DNAH7: variants seen among roughly 807,000 people sequenced by gnomAD.
The protein encoded by DNAH7 is axonemal beta dynein heavy chain 7.
DNAH7 carries 397 observed loss-of-function variants against 444.6 expected under a neutral mutation model. The ratio of observed to expected loss-of-function variants is 0.89; its 90% CI spans 0.82 to 0.97. The LOEUF (loss-of-function observed/expected upper bound fraction) is 0.97, where lower values mean the gene tolerates loss of function less well. DNAH7 is among the 50% of genes least tolerant of loss of function. The pLI, the probability that DNAH7 is intolerant of heterozygous loss-of-function variation, is 0.00. For synonymous variants in DNAH7, 1,636 were observed against 1,624.4 expected (o/e 1.01, Z -0.17); for missense variants, 4,902 against 4,800.8 (o/e 1.02, Z -0.62).
At chr2:195,756,589 C>G (rs1694083439) in intron 61 of DNAH7, among the ~76,000 whole-genome samples, 1 of 152,096 alleles carries the variant, frequency 6.6e-6, no homozygotes, top group Non-Finnish European at 1.5e-5. Flanking sequence ...TCATGGCTCA[C>G]TGCAACCTCG....
At chr2:195,768,679 A>G (rs925146478) in intron 61 of DNAH7, among the ~76,000 whole-genome samples, 1 of 152,184 alleles carries the variant, frequency 6.6e-6, no homozygotes. Context: ...ACCTGCCAAC[A>G]ATGAATACTG....
chr2:196,002,296 T>C (rs1694084660), intron 10 of DNAH7, among the ~76,000 whole-genome samples: 1 of 146,828 alleles, frequency 6.8e-6, no homozygotes, highest in South Asian at 2.2e-4. Flanking sequence ...TTCATGCTAT[T>C]CTATCTGTTT....
intron 40 of DNAH7, among the ~76,000 whole-genome samples, chr2:195,871,491 C>T (rs1700685312): frequency 6.6e-6 from 1 of 152,032 alleles, no homozygotes; most frequent in Non-Finnish European, 1.5e-5. Flanking sequence ...ATCCACATAC[C>T]TATTCCCAAG....
In DNAH7 at chr2:195,858,589, G is replaced by T; in HGVS notation, c.7952C>A (p.Ala2651Glu). 1 of 1,613,940 alleles carries T rather than the reference G, an allele frequency of 6.2e-7. No homozygotes were observed. Among genetic ancestry groups the T allele is most frequent in the Non-Finnish European group, 8.5e-7 (1 of 1,179,950 alleles). ...EKIVKADETI[A>E]NEQAMASKAI... The stretch of plus-strand genomic sequence containing the variant: ...TTTGGAAGCCATAGCTTGTTCATTC[G>T]CTATTGTTTCATCAGCTTTCACTAT... Residue 2651 changes from alanine (A) to glutamate (E), a missense_variant, in exon 43 of 65, where the codon GCG (alanine) becomes GAG (glutamate). Ala to Glu is a moderately radical substitution (Grantham distance 107). Coordinates refer to ENST00000312428, the MANE Select transcript of DNAH7 (RefSeq NM_018897.3).
At chr2:195,924,669 G>A (rs537391898) in intron 22 of DNAH7, among the ~76,000 whole-genome samples, 18 of 137,376 alleles carry the variant, frequency 1.3e-4, no homozygotes, top group Non-Finnish European at 1.1e-4. Context: ...GATTCTGACT[G>A]TTCCTGTTTA....
chr2:195,853,227 A>G, intron 46 of DNAH7, 116 bp downstream of exon 46: 2 of 872,490 alleles, frequency 2.3e-6, no homozygotes, highest in East Asian at 5.7e-5. Flanking sequence ...TCATGCAAAA[A>G]TACCTTCCTC....
rs765148700 is a variant in DNAH7, at chr2:196,068,725, C to T, written c.-14G>A. On this transcript the variant is annotated 5_prime_UTR_variant, in exon 1 of 65. Transcript: ENST00000312428. ...CTCACTGCTCATGGCTGCGAGGACG[C>T]GCTGGCCTCACCGGTGCTTCTGGGT... is the stretch of plus-strand genomic sequence containing the variant. 75 of 1,551,010 alleles carry T rather than the reference C, an allele frequency of 4.8e-5. No individual in the cohort carries two copies. The highest frequency in any genetic ancestry group is 6.4e-5 in the Non-Finnish European group (74 of 1,147,328).
intron 24 of DNAH7, among the ~76,000 whole-genome samples, chr2:195,917,469 C>G (rs911761878): frequency 1.3e-5 from 2 of 152,214 alleles, no homozygotes; most frequent in African/African-American, 2.4e-5. Flanking sequence ...ACCACAGAAG[C>G]ATGTCAAGTC....
intron 19 of DNAH7, among the ~76,000 whole-genome samples, chr2:195,948,358 G>T (rs886313177): frequency 9.2e-5 from 14 of 152,186 alleles, no homozygotes; most frequent in East Asian, 1.9e-4. Flanking sequence ...AGTCTTGAAG[G>T]CTTTGCCCAT....
chr2:196,001,571 T>C, intron 11 of DNAH7, 104 bp downstream of exon 11: 1 of 1,114,888 alleles, frequency 9.0e-7, no homozygotes, highest in Non-Finnish European at 1.2e-6. Flanking sequence ...GGTCTAAAGA[T>C]GTACTTTCTG....
In DNAH7 at chr2:196,068,769, C is replaced by A; in HGVS notation, c.-58G>T. 6.5e-7 allele frequency: 1 copy of A among 1,545,980 alleles called. No homozygotes were observed. Among genetic ancestry groups the A allele is most frequent in the South Asian group, 1.2e-5 (1 of 83,320 alleles). ...TCTGGGTTGCTCCTGCCCGCGGAAC[C>A]CCTAGGACGATAGAGGCAGGGCCCC... On this transcript the variant is annotated 5_prime_UTR_variant, in exon 1 of 65. Coordinates refer to ENST00000312428, the MANE Select transcript of DNAH7 (RefSeq NM_018897.3).
intron 3 of DNAH7, among the ~76,000 whole-genome samples, chr2:196,049,308 GAC>G (rs1697327366): frequency 6.6e-6 from 1 of 152,176 alleles, no homozygotes; most frequent in Non-Finnish European, 1.5e-5. Context: ...AAACATGTAA[GAC>G]AGTGCTCTTC....
At position 195,864,668 on chromosome 2, in the gene DNAH7, G is replaced by C. The variant is rs1468424214; in HGVS notation, c.6987C>G (p.Ile2329Met). 6.2e-7 allele frequency: 1 copy of C among 1,614,160 alleles called. No homozygotes were observed. The highest frequency in any genetic ancestry group is 8.5e-7 in the Non-Finnish European group (1 of 1,180,034). The change falls in exon 41 of 65, where the codon ATC (isoleucine) becomes ATG (methionine). Residue 2329 changes from isoleucine to methionine, a missense_variant. Coordinates refer to ENST00000312428, the MANE Select transcript of DNAH7 (RefSeq NM_018897.3). ...GAGCATGGCTGCGAGGCTGCTTCAGGATCCTGGAAATTCTGCTGATGTGCT... is the reference window on the plus strand; with the variant it reads ...GAGCATGGCTGCGAGGCTGCTTCAGCATCCTGGAAATTCTGCTGATGTGCT... ...AIEHISRISRILKQPRSHALL... is the reference protein window; with the variant it reads ...AIEHISRISRMLKQPRSHALL...
intron 25 of DNAH7, among the ~76,000 whole-genome samples, chr2:195,908,413 CT>C (rs1174774317): frequency 6.6e-6 from 1 of 151,966 alleles, no homozygotes; most frequent in East Asian, 1.9e-4. Context: ...TACATTGCCC[CT>C]AATCTCTCAT....
Position 195,934,757 on chromosome 2 carries a change from C to A in DNAH7, c.3305G>T (p.Gly1102Val). 1 of 1,614,036 alleles carries A rather than the reference C, an allele frequency of 6.2e-7. No homozygotes were observed. The highest frequency in any genetic ancestry group is 8.5e-7 in the Non-Finnish European group (1 of 1,179,964). Residue 1102 changes from glycine (G) to valine (V), a missense_variant, in exon 21 of 65, where the codon GGA (glycine) becomes GTA (valine). Coordinates refer to ENST00000312428, the MANE Select transcript of DNAH7 (RefSeq NM_018897.3). ...VQPHLKKCFE[G>V]IAKVEFTETL... ...TTCCGTAAATTCTACCTTTGCGATTCCTTCAAAACATTTCTTCAAGTGAGG... is the reference window on the plus strand; with the variant it reads ...TTCCGTAAATTCTACCTTTGCGATTACTTCAAAACATTTCTTCAAGTGAGG...
intron 57 of DNAH7, among the ~76,000 whole-genome samples, chr2:195,791,938 G>A (rs914091199): frequency 2.0e-5 from 3 of 152,156 alleles, no homozygotes; most frequent in Admixed American, 2.0e-4. Flanking sequence ...AGGCCAAGGA[G>A]GGCGGACCAC....
At position 195,900,465 on chromosome 2, in the gene DNAH7, T is replaced by A; in HGVS notation, c.4365A>T (p.Val1455=). ...KALFRTVAMM[V]PDYAMIAEIV... ...TTTCAGCAATCATGGCATAGTCAGG[T>A]ACCATCATTGCTACTGTCCGAAAGA... Residue 1455 remains valine (V), a synonymous_variant, in exon 28 of 65, where the codon GTA becomes GTT. Transcript: ENST00000312428. 1 of 1,613,996 alleles carries A rather than the reference T, an allele frequency of 6.2e-7. No homozygotes were observed. The highest frequency in any genetic ancestry group is 1.1e-5 in the South Asian group (1 of 91,084).
chr2:195,794,059 G>C (rs1696021077), intron 57 of DNAH7, among the ~76,000 whole-genome samples: 1 of 152,124 alleles, frequency 6.6e-6, no homozygotes, highest in African/African-American at 2.4e-5. Flanking sequence ...ATTTGTACTG[G>C]GAATGGCTTA....
intron 36 of DNAH7, among the ~76,000 whole-genome samples, chr2:195,880,977 C>T (rs1701341194): frequency 6.6e-6 from 1 of 151,512 alleles, no homozygotes; most frequent in Non-Finnish European, 1.5e-5. Context: ...AATCTCTCAG[C>T]TTTCTGTACA....
Sources: allele counts gnomAD v4.1 joint callset (sites outside exome capture counted in the v4.1 genomes callset), GRCh38; gene constraint gnomAD v4.1.1; transcripts MANE v1.5; gene names NCBI Gene and HGNC (gene_info 2026-07-23, HGNC 2026-07-21).